PCSK5: variants seen among roughly 807,000 people sequenced by gnomAD.
PCSK5 encodes the protein prohormone convertase 5.
A neutral mutation model predicts 233.2 loss-of-function variants in PCSK5; 129 were observed. The observed-to-expected ratio is 0.55, with a 90% CI of 0.48 to 0.64. PCSK5 has a LOEUF of 0.64. PCSK5 is among the 30% of genes least tolerant of loss of function. PCSK5 has a pLI of 0.00. For synonymous variants in PCSK5, 825 were observed against 879.2 expected, an observed-to-expected ratio of 0.94 and a Z score of 1.09; for missense variants, 2,076 against 2,430.1, an observed-to-expected ratio of 0.85 and a Z score of 3.06.
chr9:76,274,134 C>T (rs73652910), intron 24 of PCSK5, among the ~76,000 whole-genome samples: 5,427 of 151,780 alleles, frequency 0.036, 314 homozygotes, highest in African/African-American at 0.12. Flanking sequence ...GCTTTTATTG[C>T]CTCTATGGGT....
chr9:76,350,371 G>C (rs970609960), intron 35 of PCSK5, among the ~76,000 whole-genome samples: 2 of 152,116 alleles, frequency 1.3e-5, no homozygotes, highest in Non-Finnish European at 2.9e-5. Context: ...CAAACAAAAT[G>C]ATCTGCTGAG....
At chr9:76,090,507 G>A (rs578247123) in intron 7 of PCSK5, among the ~76,000 whole-genome samples, 2 of 152,282 alleles carry the variant, frequency 1.3e-5, no homozygotes, top group Middle Eastern at 3.4e-3. Context: ...CAGGAATAAA[G>A]GTCAGATTAC....
intron 24 of PCSK5, 71 bp from the exon 25 acceptor site, chr9:76,292,162 G>A (rs1546151): frequency 0.5 from 434,475 of 867,848 alleles, 112,100 homozygotes; most frequent in African/African-American, 0.59. Context: ...TCAAGCTACA[G>A]CTTTCAGACC....
intron 1 of PCSK5, among the ~76,000 whole-genome samples, chr9:75,919,906 G>A (rs1346308622): frequency 1.3e-5 from 2 of 152,178 alleles, no homozygotes; most frequent in Non-Finnish European, 2.9e-5. Flanking sequence ...GGTGGCTCAC[G>A]TCTGTAATCC....
At chr9:76,268,677 C>A (rs1035025459) in intron 24 of PCSK5, among the ~76,000 whole-genome samples, 3 of 152,058 alleles carry the variant, frequency 2.0e-5, no homozygotes, top group African/African-American at 7.2e-5. Context: ...CACCTCATCT[C>A]TACAAAAAAA....
chr9:76,009,400 G>T (rs551823252), intron 3 of PCSK5, among the ~76,000 whole-genome samples: 1 of 151,760 alleles, frequency 6.6e-6, no homozygotes, highest in Non-Finnish European at 1.5e-5. Flanking sequence ...AGGCCGAGGT[G>T]GGTGGATCAC....
rs1052084663 is a variant in PCSK5 at position 75,891,172 on chromosome 9, C to T, written c.-10C>T. Reference sequence around the variant, plus strand: ...GCCAGCGAGCGAGGGAGCAGCGAGGCGCCGGGACCATGGGCTGGGGGAGCC... The same window carrying T: ...GCCAGCGAGCGAGGGAGCAGCGAGGTGCCGGGACCATGGGCTGGGGGAGCC... On this transcript the variant is annotated 5_prime_UTR_variant, in exon 1 of 38. Coordinates refer to ENST00000674117, the MANE Select transcript of PCSK5 (RefSeq NM_001372043.1). The T allele has an allele frequency of 6.9e-7, 1 of 1,459,286 alleles. No homozygotes were observed. The highest frequency in any genetic ancestry group is 1.5e-5 in the African/African-American group (1 of 67,230). 90.4% of individuals were successfully genotyped at this position (1,459,286 alleles called of 1,614,324 possible).
intron 5 of PCSK5, among the ~76,000 whole-genome samples, chr9:76,066,108 C>T (rs922830579): frequency 3.9e-5 from 6 of 151,976 alleles, no homozygotes; most frequent in Admixed American, 6.6e-5. Flanking sequence ...ATTGTTTTGG[C>T]TATTTGGAAT....
intron 1 of PCSK5, among the ~76,000 whole-genome samples, chr9:75,894,398 G>A (rs1347168203): frequency 6.6e-6 from 1 of 152,036 alleles, no homozygotes; most frequent in African/African-American, 2.4e-5. Context: ...AAAAAAGATG[G>A]GATGTGCAGA....
chr9:76,002,697 C>A (rs986308639), intron 3 of PCSK5, among the ~76,000 whole-genome samples: 3 of 152,078 alleles, frequency 2.0e-5, no homozygotes, highest in African/African-American at 7.2e-5. Flanking sequence ...TCAGAAAATT[C>A]AATCCAAACT....
At chr9:76,328,783 G>A (rs1180404181) in intron 33 of PCSK5, among the ~76,000 whole-genome samples, 1 of 151,972 alleles carries the variant, frequency 6.6e-6, no homozygotes, top group East Asian at 1.9e-4. Context: ...AGAGTCAGTT[G>A]TTTCATTTAG....
At chr9:76,261,821 G>A (rs1489265196) in intron 24 of PCSK5, among the ~76,000 whole-genome samples, 1 of 152,200 alleles carries the variant, frequency 6.6e-6, no homozygotes, top group African/African-American at 2.4e-5. Flanking sequence ...TGTTATTGGT[G>A]TATAAAAATG....
chr9:75,970,378 T>TGGAGGGAAAAA (rs1825765988), intron 2 of PCSK5, among the ~76,000 whole-genome samples: 1 of 152,182 alleles, frequency 6.6e-6, no homozygotes, highest in Non-Finnish European at 1.5e-5. Context: ...GAAAGTGCCC[T>TGGAGGGAAAAA]GGAGGGAAAA....
intron 2 of PCSK5, among the ~76,000 whole-genome samples, chr9:75,967,339 A>G (rs76009253): frequency 0.02 from 2,983 of 152,314 alleles, 37 homozygotes; most frequent in Non-Finnish European, 0.028. Flanking sequence ...AAGTGAGAAC[A>G]TAGCGGCATG....
Position 76,095,942 on chromosome 9 carries a change from G to A in PCSK5, c.947G>A (p.Arg316Lys), listed in dbSNP as rs377599691. ...VFVWASGNGG[R>K]SKDHCSCDGY... ...GTTTGGGCATCTGGAAATGGTGGAA[G>A]GAGCAAAGACCACTGCTCCTGTGAT... The change falls in exon 8 of 38, where the codon AGG becomes AAG. Residue 316 changes from arginine to lysine, a missense_variant. By Grantham distance (26) the Arg-to-Lys change is conservative. Transcript: ENST00000674117. 2.5e-6 allele frequency: 4 copies of A among 1,614,132 alleles called. No homozygotes were observed. Among genetic ancestry groups the A allele is most frequent in the Non-Finnish European group, 3.4e-6 (4 of 1,180,024 alleles).
chr9:76,319,503 T>A (rs188805293), intron 30 of PCSK5, among the ~76,000 whole-genome samples: 1 of 148,854 alleles, frequency 6.7e-6, no homozygotes, highest in African/African-American at 2.5e-5. Context: ...GAAGGGACAT[T>A]GTGAGAAGTG....
intron 5 of PCSK5, among the ~76,000 whole-genome samples, chr9:76,045,977 A>C (rs1339751115): frequency 6.6e-6 from 1 of 152,026 alleles, no homozygotes; most frequent in Non-Finnish European, 1.5e-5. Context: ...TAACTACTAC[A>C]TTTTCCCAAA....
chr9:76,025,355 T>C (rs1192705697), intron 4 of PCSK5, among the ~76,000 whole-genome samples: 1 of 151,534 alleles, frequency 6.6e-6, no homozygotes, highest in African/African-American at 2.4e-5. Context: ...GAGACCAGCC[T>C]GGAAAACAGC....
At chr9:75,969,373 G>A (rs1164321237) in intron 2 of PCSK5, among the ~76,000 whole-genome samples, 1 of 152,162 alleles carries the variant, frequency 6.6e-6, no homozygotes, top group Non-Finnish European at 1.5e-5. Flanking sequence ...GGAGAGTAGA[G>A]AGGAGGGGGC....
Sources: gnomAD v4.1 joint callset for allele counts (sites outside exome capture counted in the v4.1 genomes callset) on GRCh38, gnomAD v4.1.1 for gene constraint, MANE v1.5 for transcripts, NCBI Gene and HGNC (gene_info 2026-07-23, HGNC 2026-07-21) for gene names.